POFUT2: variants seen among roughly 807,000 people sequenced by gnomAD.
The protein encoded by POFUT2 is GDP-fucose protein O-fucosyltransferase 2.
POFUT2 carries 30 observed loss-of-function variants against 55.0 expected under a neutral mutation model. That is an observed-to-expected ratio of 0.55 (90% CI 0.41 to 0.74). The LOEUF (loss-of-function observed/expected upper bound fraction) is 0.74, where lower values mean the gene tolerates loss of function less well. Ranked by LOEUF, POFUT2 falls within the 30% of genes least tolerant of loss-of-function variation. POFUT2 has a pLI of 0.00. For missense variants in POFUT2, 524 were observed against 562.6 expected (o/e 0.93, Z 0.69); for synonymous variants, 267 against 231.1 (o/e 1.16, Z -1.41).
rs142591578 is a variant in POFUT2 at position 45,280,710 on chromosome 21, C to T, written c.638+1639G>A. On this transcript the variant is annotated intron_variant, in intron 4 of 8. Transcript: ENST00000349485. ...CTCGCTGAGTTTCGTCTCAATTGCA[C>T]GGATCCCGTCTTGGACTCGCCTCAC... is the stretch of plus-strand genomic sequence containing the variant. 3.4e-3 allele frequency among the ~76,000 whole-genome samples: 501 copies of T among 147,270 alleles called. 5 individuals carry two copies. The highest frequency in any genetic ancestry group is 0.011 in the African/African-American group (454 of 40,728).
chr21:45,287,053 C>G (rs2031495914), intron 1 of POFUT2, among the ~76,000 whole-genome samples: 2 of 152,010 alleles, frequency 1.3e-5, no homozygotes, highest in Admixed American at 1.3e-4. Flanking sequence ...CCTGGGCTCC[C>G]GAGGCTGCGC....
intron 1 of POFUT2, among the ~76,000 whole-genome samples, chr21:45,286,730 C>G (rs2031450754): frequency 1.3e-5 from 2 of 152,258 alleles, no homozygotes; most frequent in Admixed American, 1.3e-4. Flanking sequence ...AACCCTGTCC[C>G]TGGCGCTCTC....
rs1243620349 is a variant in POFUT2 at position 45,267,004 on chromosome 21, C to T, written c.1136+586G>A. 1.4e-5 allele frequency: 15 copies of T among 1,048,724 alleles called. No individual in the cohort carries two copies. Among genetic ancestry groups the T allele is most frequent in the Non-Finnish European group, 1.5e-5 (13 of 868,772 alleles). The allele number at this position is 1,048,724 out of a possible 1,614,324, so 65.0% of individuals were successfully genotyped here. ...GAGGAATGACTGCACGCAGGGCCCA[C>T]GCTCCCGGCCTCTGGGACGCTCACG... On this transcript the variant is annotated intron_variant, in intron 8 of 8. Transcript: ENST00000349485. The surrounding 1 kb of genome is among the most constrained non-coding windows in gnomAD (Gnocchi z 4.4).
At chr21:45,280,717 C>A (rs759322529) in intron 4 of POFUT2, among the ~76,000 whole-genome samples, 1 of 143,550 alleles carries the variant, frequency 7.0e-6, no homozygotes. Flanking sequence ...GCACGGATCC[C>A]GTCTTGGACT....
intron 7 of POFUT2, among the ~76,000 whole-genome samples, chr21:45,269,066 G>A (rs1267854140): frequency 1.6e-5 from 2 of 124,886 alleles, no homozygotes; most frequent in Non-Finnish European, 3.4e-5. Flanking sequence ...CTGGCCAGCC[G>A]CCCCGTCCGG....
intron 6 of POFUT2, among the ~76,000 whole-genome samples, chr21:45,276,091 A>G (rs990120212): frequency 1.3e-5 from 2 of 152,174 alleles, no homozygotes; most frequent in South Asian, 2.1e-4. Flanking sequence ...CGGGAGGCTG[A>G]GGCAGGAGAA....
rs572408820 is a variant in POFUT2, at chr21:45,270,248, G to A, written c.832-229C>T. On this transcript the variant is annotated intron_variant, in intron 6 of 8. Coordinates refer to ENST00000349485, the MANE Select transcript of POFUT2 (RefSeq NM_133635.6). The surrounding 1 kb of genome is among the most constrained non-coding windows in gnomAD (Gnocchi z 4.6). ...ATTACCAGAAATCATTTTATCTGAG[G>A]TAAAGAAAAATATTTAAAAAGAGAA... Among the ~76,000 whole-genome samples, 5 of 152,152 alleles carry A rather than the reference G, an allele frequency of 3.3e-5. No individual in the cohort carries two copies. The highest frequency in any genetic ancestry group is 4.4e-5 in the Non-Finnish European group (3 of 68,020).
rs114280890 is a variant in POFUT2, at chr21:45,275,849, C to T, written c.831+1168G>A. On this transcript the variant is annotated intron_variant, in intron 6 of 8. Transcript: ENST00000349485. ...AGAAACTACCACTTTATCCATGTAACCAAACACCACCTGCTCCCCAAAAAT... is the reference window on the plus strand; with the variant it reads ...AGAAACTACCACTTTATCCATGTAATCAAACACCACCTGCTCCCCAAAAAT... Among the ~76,000 whole-genome samples the T allele has an allele frequency of 3.1e-3, 470 of 151,700 alleles. 3 individuals carry two copies. Among genetic ancestry groups the T allele is most frequent in the African/African-American group, 0.011 (458 of 41,290 alleles).
rs111476409 is a variant in POFUT2, at chr21:45,276,919, C to T, written c.831+98G>A. 12,783 of 1,371,320 alleles carry T rather than the reference C, an allele frequency of 9.3e-3. 75 individuals are homozygous for T. Among genetic ancestry groups the T allele is most frequent in the Non-Finnish European group, 0.012 (11,712 of 986,066 alleles). The allele number at this position is 1,371,320 out of a possible 1,614,324, so 84.9% of individuals were successfully genotyped here. ...GCCGAGGCATCCACGCCCACAGACACGCCAACCCTGCTGTGACTTTACATG... is the reference window on the plus strand; with the variant it reads ...GCCGAGGCATCCACGCCCACAGACATGCCAACCCTGCTGTGACTTTACATG... On this transcript the variant is annotated intron_variant, in intron 6 of 8. Transcript: ENST00000349485.
At chr21:45,266,114 G>C in intron 8 of POFUT2, 1 of 1,357,596 alleles carries the variant, frequency 7.4e-7, no homozygotes, top group South Asian at 1.1e-5. Context: ...CACGCTGTAT[G>C]GGCTGGTGGG....
intron 1 of POFUT2, among the ~76,000 whole-genome samples, chr21:45,286,349 A>G (rs2031406055): frequency 1.3e-5 from 2 of 152,250 alleles, no homozygotes; most frequent in Admixed American, 1.3e-4. Context: ...ATAAGAAGCC[A>G]TTACATGTTA....
chr21:45,278,102 C>CA lies in POFUT2; in HGVS notation c.705dup (p.Thr236TyrfsTer105). 1 of 1,612,024 alleles carries CA rather than the reference C, an allele frequency of 6.2e-7. No homozygotes were observed. Among genetic ancestry groups the CA allele is most frequent in the South Asian group, 1.1e-5 (1 of 91,022 alleles). Reference sequence around the variant, plus strand: ...AAAAACGCTCCCGAGGAAACACTCACATCCCAGTATTCTTTCCCTCCATAG... The same window carrying CA: ...AAAAACGCTCCCGAGGAAACACTCACAATCCCAGTATTCTTTCCCTCCATAG... On this transcript the variant is annotated frameshift_variant and splice_region_variant. Transcript: ENST00000349485. LOFTEE classifies it high-confidence loss of function.
In POFUT2 at chr21:45,270,320, G is replaced by T. The variant is rs191559514; in HGVS notation, c.832-301C>A. 2.0e-5 allele frequency among the ~76,000 whole-genome samples: 3 copies of T among 152,054 alleles called. No homozygotes were observed. Among genetic ancestry groups the T allele is most frequent in the Admixed American group, 6.5e-5 (1 of 15,276 alleles). ...GTGAACTTTTCCTCCGAGAACCACC[G>T]CAGGGACGTGCCACAAAGAGTTCAC... On this transcript the variant is annotated intron_variant, in intron 6 of 8. Coordinates refer to ENST00000349485, the MANE Select transcript of POFUT2 (RefSeq NM_133635.6). This position sits in a 1 kb window ranked among gnomAD's most constrained non-coding sequence, Gnocchi z 4.6.
chr21:45,268,150 C>T (rs372541376), intron 7 of POFUT2, among the ~76,000 whole-genome samples: 23 of 152,328 alleles, frequency 1.5e-4, no homozygotes, highest in African/African-American at 3.6e-4. Context: ...CGCGCCACCA[C>T]GCCTGACTGG....
intron 8 of POFUT2, chr21:45,266,110 G>C: frequency 1.5e-6 from 2 of 1,355,404 alleles, no homozygotes; most frequent in East Asian, 4.6e-5. Flanking sequence ...CACACACGCT[G>C]TATGGGCTGG....
chr21:45,275,866 C>T (rs1056403509), intron 6 of POFUT2, among the ~76,000 whole-genome samples: 1 of 149,192 alleles, frequency 6.7e-6, no homozygotes, highest in Non-Finnish European at 1.5e-5. Flanking sequence ...CCACCTGCTC[C>T]CCAAAAATGA....
In POFUT2 at chr21:45,267,134, T is replaced by G; in HGVS notation, c.1136+456A>C. ...ACACGAGGGCCCATGCTCCCAGCCTTGGGGACGCTCATGGCAGCCCCACGA... is the reference window on the plus strand; with the variant it reads ...ACACGAGGGCCCATGCTCCCAGCCTGGGGGACGCTCATGGCAGCCCCACGA... On this transcript the variant is annotated intron_variant, in intron 8 of 8. Transcript: ENST00000349485. The surrounding 1 kb of genome is among the most constrained non-coding windows in gnomAD (Gnocchi z 4.4). 8.6e-7 allele frequency: 1 copy of G among 1,157,782 alleles called. No homozygotes were observed. The allele number at this position is 1,157,782 out of a possible 1,614,324, so 71.7% of individuals were successfully genotyped here.
chr21:45,278,195 A>G, intron 4 of POFUT2, 26 bp from the exon 5 acceptor site: 2 of 1,584,106 alleles, frequency 1.3e-6, no homozygotes, highest in Non-Finnish European at 1.7e-6. Flanking sequence ...AGAAGAATAA[A>G]CAGTTATAAG....
At chr21:45,279,099 A>T (rs527691302) in intron 4 of POFUT2, among the ~76,000 whole-genome samples, 1 of 152,236 alleles carries the variant, frequency 6.6e-6, no homozygotes, top group African/African-American at 2.4e-5. Flanking sequence ...AAAAATAAAA[A>T]TTTTAATTTT....
Sources: allele counts gnomAD v4.1 joint callset (sites outside exome capture counted in the v4.1 genomes callset), GRCh38; gene constraint gnomAD v4.1.1; non-coding constraint Gnocchi (gnomAD v3.1); transcripts MANE v1.5; gene names NCBI Gene and HGNC (gene_info 2026-07-23, HGNC 2026-07-21).